Variants in AKAP19 observed in about 807,000 individuals in gnomAD.
AKAP19 encodes the protein small A-kinase anchoring protein.
At chr2:189,981,508 G>A in the AKAP19 span, among the ~76,000 whole-genome samples, 1 of 152,066 alleles carries the variant, frequency 6.6e-6, no homozygotes, top group Non-Finnish European at 1.5e-5. Flanking sequence ...AATGTTCAAG[G>A]TTAATATTTA....
chr2:189,886,764 A>T, the AKAP19 span, among the ~76,000 whole-genome samples: 3 of 152,320 alleles, frequency 2.0e-5, no homozygotes, highest in East Asian at 5.8e-4. Context: ...GGATAGAGGT[A>T]CTAGGTATGA....
the AKAP19 span, among the ~76,000 whole-genome samples, chr2:189,925,379 G>T: frequency 6.0e-3 from 914 of 152,224 alleles, 5 homozygotes; most frequent in African/African-American, 0.02. Context: ...AGACTTAATA[G>T]TTCCTTAGAT....
At chr2:190,035,825 G>A in the AKAP19 span, among the ~76,000 whole-genome samples, 3 of 152,316 alleles carry the variant, frequency 2.0e-5, no homozygotes, top group East Asian at 5.8e-4. Context: ...GCGATAGATA[G>A]TTAGGTTATT....
the AKAP19 span, among the ~76,000 whole-genome samples, chr2:189,918,006 A>G: frequency 6.6e-6 from 1 of 151,974 alleles, no homozygotes; most frequent in Non-Finnish European, 1.5e-5. Context: ...ATTACATTAT[A>G]TATACATAAC....
At chr2:189,933,916 T>C in the AKAP19 span, among the ~76,000 whole-genome samples, 1 of 152,106 alleles carries the variant, frequency 6.6e-6, no homozygotes, top group East Asian at 1.9e-4. Flanking sequence ...ATATGGCATG[T>C]CCTAAGAAGT....
At chr2:189,924,673 T>C in the AKAP19 span, among the ~76,000 whole-genome samples, 1 of 152,228 alleles carries the variant, frequency 6.6e-6, no homozygotes, top group Non-Finnish European at 1.5e-5. Flanking sequence ...CCCACATTAG[T>C]GTGCTGTGTG....
chr2:190,081,708 C>T, the AKAP19 span, among the ~76,000 whole-genome samples: 1 of 152,146 alleles, frequency 6.6e-6, no homozygotes, highest in Non-Finnish European at 1.5e-5. Context: ...GCCTGCATTT[C>T]CCTTCCAGCT....
chr2:189,940,831 C>CA, the AKAP19 span, among the ~76,000 whole-genome samples: 1 of 151,954 alleles, frequency 6.6e-6, no homozygotes, highest in Admixed American at 6.6e-5. Context: ...GCGGAGCTTG[C>CA]AGTGAGCCGA....
the AKAP19 span, among the ~76,000 whole-genome samples, chr2:190,174,523 G>C: frequency 6.6e-6 from 1 of 152,060 alleles, no homozygotes. Context: ...AAAATCATGA[G>C]CTAATAAATA....
chr2:190,069,117 GGTGTGTGTGTGCATGCATATGTGTGTGT>G, the AKAP19 span, among the ~76,000 whole-genome samples: 11 of 146,624 alleles, frequency 7.5e-5, no homozygotes, highest in East Asian at 1.6e-3. Flanking sequence ...TCTCAAAAGG[GGTGTGTGTGTGCATGCATATGTGTGTGT>G]GTGTGTGTGT....
chr2:190,098,701 T>C, the AKAP19 span, among the ~76,000 whole-genome samples: 1 of 152,220 alleles, frequency 6.6e-6, no homozygotes, highest in Non-Finnish European at 1.5e-5. Flanking sequence ...ACTTCTCCTC[T>C]CTAGCTATGA....
the AKAP19 span, chr2:190,057,548 G>C: frequency 1.2e-6 from 2 of 1,613,446 alleles, no homozygotes; most frequent in Non-Finnish European, 1.7e-6. Flanking sequence ...CGACAGCATC[G>C]TGATTCTGTT....
the AKAP19 span, chr2:190,060,447 T>G: frequency 6.2e-7 from 1 of 1,601,820 alleles, no homozygotes. Flanking sequence ...TATAAATGAA[T>G]AAGAAAAGAA....
the AKAP19 span, among the ~76,000 whole-genome samples, chr2:190,110,558 A>G: frequency 1.2e-4 from 18 of 152,366 alleles, no homozygotes; most frequent in South Asian, 3.7e-3. Context: ...GAGTTACAAT[A>G]AAGAGAATAA....
chr2:190,202,832 A>G, the AKAP19 span: 4 of 167,044 alleles, frequency 2.4e-5, no homozygotes, highest in African/African-American at 9.7e-5. Flanking sequence ...ACAATGACTC[A>G]CTTAACCCCA....
the AKAP19 span, chr2:190,180,779 G>T: frequency 6.1e-6 from 6 of 985,220 alleles, no homozygotes; most frequent in Non-Finnish European, 6.0e-6. This position sits in a 1 kb window ranked among gnomAD's most constrained non-coding sequence, Gnocchi z 6.8. Flanking sequence ...CCGCGAACCC[G>T]CGAGGAGCGC....
At chr2:190,016,086 T>C in the AKAP19 span, among the ~76,000 whole-genome samples, 1 of 152,220 alleles carries the variant, frequency 6.6e-6, no homozygotes, top group African/African-American at 2.4e-5. Context: ...TTTGGAGCCC[T>C]CCAAACTGTT....
chr2:189,938,804 T>C, the AKAP19 span, among the ~76,000 whole-genome samples: 2 of 152,192 alleles, frequency 1.3e-5, no homozygotes, highest in African/African-American at 4.8e-5. Context: ...TGCATGCCTG[T>C]ATCAAAACAT....
the AKAP19 span, among the ~76,000 whole-genome samples, chr2:190,165,609 A>G: frequency 6.6e-6 from 1 of 152,214 alleles, no homozygotes. Context: ...AATATGCAGC[A>G]CAAAGATATA....
Sources: gnomAD v4.1 joint callset for allele counts (sites outside exome capture counted in the v4.1 genomes callset) on GRCh38, gnomAD v4.1.1 for gene constraint, Gnocchi (gnomAD v3.1) non-coding constraint, MANE v1.5 for transcripts, NCBI Gene and HGNC (gene_info 2026-07-23, HGNC 2026-07-21) for gene names.